Variants in GNAQ observed in about 807,000 individuals in gnomAD.
GNAQ encodes the protein guanine nucleotide-binding protein G(q) subunit alpha.
Under a neutral mutation model 43.9 loss-of-function variants are expected in GNAQ, and 8 were observed. That is an observed-to-expected ratio of 0.18 (90% CI 0.11 to 0.33). The LOEUF (loss-of-function observed/expected upper bound fraction) is 0.33, where lower values mean the gene tolerates loss of function less well. Ranked by LOEUF, GNAQ falls within the 10% of genes least tolerant of loss-of-function variation. The probability of loss-of-function intolerance (pLI) is 1.00; values close to 1 mark genes in which losing one functional copy is unlikely to be tolerated. For missense variants in GNAQ, 158 were observed against 450.8 expected (o/e 0.35, Z 5.88); for synonymous variants, 155 against 170.7 (o/e 0.91, Z 0.71).
chr9:77,866,248 C>T lies in GNAQ; in HGVS notation c.322-50478G>A, dbSNP rs187860714. Reference sequence around the variant, plus strand: ...ATCCCAGCACTTTGGTAGGCCAAGGCGGGCAGATCATTTGAGGTCAGGAGC... The same window carrying T: ...ATCCCAGCACTTTGGTAGGCCAAGGTGGGCAGATCATTTGAGGTCAGGAGC... On this transcript the variant is annotated intron_variant, in intron 2 of 6. Transcript: ENST00000286548. Among the ~76,000 whole-genome samples the T allele has an allele frequency of 1.5e-4, 23 of 152,192 alleles. No individual in the cohort carries two copies. In the East Asian group the frequency reaches 1.9e-3, roughly 13 times the overall value.
At chr9:77,812,777 T>A (rs1389144327) in intron 3 of GNAQ, among the ~76,000 whole-genome samples, 2 of 152,166 alleles carry the variant, frequency 1.3e-5, no homozygotes, top group Admixed American at 6.5e-5. Flanking sequence ...TACATATTGA[T>A]GTCTAAGGAT....
intron 5 of GNAQ, among the ~76,000 whole-genome samples, chr9:77,777,093 C>G (rs1263010686): frequency 6.6e-6 from 1 of 152,056 alleles, no homozygotes; most frequent in South Asian, 2.1e-4. Context: ...TTCACGATCA[C>G]CTGGTTTTCA....
chr9:77,764,247 C>G (rs1213428140), intron 5 of GNAQ, among the ~76,000 whole-genome samples: 1 of 152,112 alleles, frequency 6.6e-6, no homozygotes, highest in Non-Finnish European at 1.5e-5. Flanking sequence ...AATGCAATCT[C>G]TTAATTTAAA....
chr9:77,785,839 C>T (rs201490957), intron 5 of GNAQ, among the ~76,000 whole-genome samples: 54 of 152,138 alleles, frequency 3.5e-4, no homozygotes, highest in African/African-American at 1.1e-3. Flanking sequence ...ACTTATTTGA[C>T]GGGCTGATCT....
intron 1 of GNAQ, among the ~76,000 whole-genome samples, chr9:77,998,283 T>G (rs1279558518): frequency 6.6e-6 from 1 of 152,248 alleles, no homozygotes; most frequent in Non-Finnish European, 1.5e-5. Context: ...TCATGCTGCC[T>G]TTTTTGTCTG....
intron 1 of GNAQ, among the ~76,000 whole-genome samples, chr9:77,942,127 GA>G (rs397958401): frequency 5.9e-5 from 9 of 151,574 alleles, no homozygotes; most frequent in Non-Finnish European, 1.0e-4. Flanking sequence ...GAAACTGGGA[GA>G]AAAAAAAGGT....
intron 2 of GNAQ, among the ~76,000 whole-genome samples, chr9:77,918,175 G>C (rs1338933112): frequency 1.3e-5 from 2 of 152,130 alleles, no homozygotes; most frequent in Non-Finnish European, 2.9e-5. Flanking sequence ...GTTCAGAAGA[G>C]CTCATATAAT....
chr9:78,006,353 A>G (rs761705874), intron 1 of GNAQ, among the ~76,000 whole-genome samples: 2 of 152,192 alleles, frequency 1.3e-5, no homozygotes, highest in African/African-American at 4.8e-5. Flanking sequence ...TAAGATCTCA[A>G]TTCAGTAGGA....
chr9:78,012,546 A>G (rs945522459), intron 1 of GNAQ, among the ~76,000 whole-genome samples: 1 of 152,200 alleles, frequency 6.6e-6, no homozygotes, highest in South Asian at 2.1e-4. Flanking sequence ...TTCAGGAAAT[A>G]TATCACCCAT....
At chr9:77,781,225 T>C (rs1215594991) in intron 5 of GNAQ, among the ~76,000 whole-genome samples, 1 of 152,080 alleles carries the variant, frequency 6.6e-6, no homozygotes, top group Non-Finnish European at 1.5e-5. Context: ...CAGTTTTGTG[T>C]CTTATATTTA....
intron 2 of GNAQ, among the ~76,000 whole-genome samples, chr9:77,835,013 T>C (rs1234418891): frequency 6.6e-6 from 1 of 152,080 alleles, no homozygotes; most frequent in Non-Finnish European, 1.5e-5. Context: ...AGGCCCCCAG[T>C]GGATGCCTGA....
chr9:77,884,580 T>C (rs772568710), intron 2 of GNAQ, among the ~76,000 whole-genome samples: 1 of 152,146 alleles, frequency 6.6e-6, no homozygotes, highest in Non-Finnish European at 1.5e-5. Flanking sequence ...GCCTGGAGAA[T>C]AAGTTCTCCA....
chr9:77,754,079 T>A (rs1825860486), intron 5 of GNAQ, among the ~76,000 whole-genome samples: 2 of 152,316 alleles, frequency 1.3e-5, no homozygotes, highest in Admixed American at 1.3e-4. Flanking sequence ...AAAGGAGCAC[T>A]CAAGGCCTCT....
At chr9:77,944,616 T>C (rs1375048184) in intron 1 of GNAQ, among the ~76,000 whole-genome samples, 1 of 152,164 alleles carries the variant, frequency 6.6e-6, no homozygotes, top group African/African-American at 2.4e-5. Context: ...CACCATTTCT[T>C]CCACTGAGGC....
At chr9:78,022,708 C>T (rs368574739) in intron 1 of GNAQ, among the ~76,000 whole-genome samples, 2 of 152,166 alleles carry the variant, frequency 1.3e-5, no homozygotes, top group Admixed American at 6.5e-5. Flanking sequence ...TAGAACAAGT[C>T]ACAGGAAATG....
intron 2 of GNAQ, among the ~76,000 whole-genome samples, chr9:77,887,984 CTGAGACCCT>C (rs1432346597): frequency 6.6e-6 from 1 of 152,166 alleles, no homozygotes; most frequent in African/African-American, 2.4e-5. Context: ...CTGGAGACTG[CTGAGACCCT>C]TGAAGGGGGT....
intron 1 of GNAQ, among the ~76,000 whole-genome samples, chr9:77,930,624 TAAAC>T (rs1829135668): frequency 6.6e-6 from 1 of 152,164 alleles, no homozygotes; most frequent in Admixed American, 6.6e-5. Context: ...ACTAACAAAA[TAAAC>T]ATACATATTT....
chr9:77,882,648 T>G (rs993256383), intron 2 of GNAQ, among the ~76,000 whole-genome samples: 2 of 152,108 alleles, frequency 1.3e-5, no homozygotes, highest in African/African-American at 2.4e-5. Flanking sequence ...ACGAGGTTCA[T>G]GAAAAATGAT....
chr9:77,808,652 G>A (rs570153396), intron 3 of GNAQ, among the ~76,000 whole-genome samples: 3 of 152,036 alleles, frequency 2.0e-5, no homozygotes, highest in South Asian at 4.2e-4. Context: ...TCAGATAAAG[G>A]GAGTCAACTC....
Sources: gnomAD v4.1 joint callset for allele counts (sites outside exome capture counted in the v4.1 genomes callset) on GRCh38, gnomAD v4.1.1 for gene constraint, MANE v1.5 for transcripts, NCBI Gene and HGNC (gene_info 2026-07-23, HGNC 2026-07-21) for gene names.